The following SEMA6A variants were observed in gnomAD, a reference collection of about 807,000 sequenced individuals.
The protein encoded by SEMA6A is semaphorin-6A.
A neutral mutation model predicts 96.8 loss-of-function variants in SEMA6A; 25 were observed. That is an observed-to-expected ratio of 0.26 (90% confidence interval 0.19 to 0.36). The LOEUF (loss-of-function observed/expected upper bound fraction) is 0.36, where lower values mean the gene tolerates loss of function less well. SEMA6A is among the 10% of genes least tolerant of loss of function. The probability of loss-of-function intolerance (pLI) is 1.00; values close to 1 mark genes in which losing one functional copy is unlikely to be tolerated. For missense variants in SEMA6A, 1,363 were observed against 1,323.1 expected, an observed-to-expected ratio of 1.03 and a Z score of -0.47; for synonymous variants, 612 against 518.0, an observed-to-expected ratio of 1.18 and a Z score of -2.46.
chr5:116,482,616 G>T (rs1272298250), intron 10 of SEMA6A, 41 bp from the exon 11 acceptor site: 5 of 1,604,142 alleles, frequency 3.1e-6, no homozygotes, highest in South Asian at 2.2e-5. Flanking sequence ...CTCATGCAAT[G>T]GTTATGCATG....
intron 1 of SEMA6A, among the ~76,000 whole-genome samples, chr5:116,542,355 T>G (rs376593838): frequency 3.9e-5 from 6 of 152,288 alleles, no homozygotes; most frequent in East Asian, 1.9e-4. Flanking sequence ...TTACCGTTTT[T>G]CTTCTTCATT....
intron 6 of SEMA6A, among the ~76,000 whole-genome samples, chr5:116,494,029 C>G (rs1476384407): frequency 6.6e-6 from 1 of 152,150 alleles, no homozygotes; most frequent in Non-Finnish European, 1.5e-5. Context: ...ATCTACTCGC[C>G]AAGAGATGGC....
rs1755860981 is a variant in SEMA6A, at chr5:116,467,823, T to C, written c.1730-76A>G. ...TTCCCTTTGCGCAGAGGCCTGGAGG[T>C]GGGACACCCAAGCTGGCTGTAAGAC... is the stretch of plus-strand genomic sequence containing the variant. On this transcript the variant is annotated intron_variant, in intron 17 of 18. Coordinates refer to ENST00000343348, the MANE Select transcript of SEMA6A (RefSeq NM_020796.5). 6 of 1,495,054 alleles carry C rather than the reference T, an allele frequency of 4.0e-6. No homozygotes were observed. The South Asian group carries it at 4.9e-5, about 12-fold the overall frequency. 92.6% of individuals were successfully genotyped at this position (1,495,054 alleles called of 1,614,324 possible). A position where few individuals can be genotyped will look rare whatever the true frequency, so the allele number is the denominator to read the frequency against.
At chr5:116,566,404 G>T (rs934500572) in intron 1 of SEMA6A, among the ~76,000 whole-genome samples, 1 of 152,206 alleles carries the variant, frequency 6.6e-6, no homozygotes. Context: ...GCATGAGGAA[G>T]TATCTATTAC....
intron 18 of SEMA6A, among the ~76,000 whole-genome samples, chr5:116,462,949 T>A (rs1755507313): frequency 6.6e-6 from 1 of 152,174 alleles, no homozygotes; most frequent in African/African-American, 2.4e-5. Flanking sequence ...TTAAATTACC[T>A]TTAAAATGTA....
At position 116,524,972 on chromosome 5, in the gene SEMA6A, G is replaced by T. The variant is rs182376747; in HGVS notation, c.-38-19990C>A. On this transcript the variant is annotated intron_variant, in intron 1 of 18. Coordinates refer to ENST00000343348, the MANE Select transcript of SEMA6A (RefSeq NM_020796.5). Reference sequence around the variant, plus strand: ...CTGAACTCTTCATTTTTCTTATCTTGTTTTTGCCATTAGTTTGATATTTAT... The same window carrying T: ...CTGAACTCTTCATTTTTCTTATCTTTTTTTTGCCATTAGTTTGATATTTAT... 1.6e-4 allele frequency among the ~76,000 whole-genome samples: 25 copies of T among 152,188 alleles called. 1 individual carries two copies. Among genetic ancestry groups the T allele is most frequent in the African/African-American group, 6.0e-4 (25 of 41,532 alleles).
At chr5:116,509,011 C>T (rs10066347) in intron 1 of SEMA6A, among the ~76,000 whole-genome samples, 2,654 of 152,148 alleles carry the variant, frequency 0.017, 39 homozygotes, top group Non-Finnish European at 0.029. Context: ...TTAATGAACA[C>T]TGCTTGTTTT....
At chr5:116,463,377 A>C (rs1005338450) in intron 18 of SEMA6A, among the ~76,000 whole-genome samples, 1 of 152,218 alleles carries the variant, frequency 6.6e-6, no homozygotes, top group Non-Finnish European at 1.5e-5. Flanking sequence ...TTAAAGATTA[A>C]ATAATTAACT....
In SEMA6A at chr5:116,457,901, T is replaced by C. The variant is rs560255195; in HGVS notation, c.1894+9682A>G. On this transcript the variant is annotated intron_variant, in intron 18 of 18. Coordinates refer to ENST00000343348, the MANE Select transcript of SEMA6A (RefSeq NM_020796.5). ...AAATGAACACACCTTTTTCATCCTC[T>C]GTCTTTCCAGGATAATGGCATGCGT... 6.6e-5 allele frequency among the ~76,000 whole-genome samples: 10 copies of C among 152,266 alleles called. No homozygotes were observed. In the East Asian group the frequency reaches 1.7e-3, roughly 26 times the overall value.
At chr5:116,571,997 C>A (rs1331985190) in intron 1 of SEMA6A, among the ~76,000 whole-genome samples, 1 of 152,012 alleles carries the variant, frequency 6.6e-6, no homozygotes, top group Non-Finnish European at 1.5e-5. Flanking sequence ...TGTAGCATAC[C>A]ACAGACTTGA....
intron 3 of SEMA6A, among the ~76,000 whole-genome samples, chr5:116,499,913 C>T (rs989522841): frequency 3.9e-5 from 6 of 152,274 alleles, no homozygotes; most frequent in African/African-American, 1.4e-4. Flanking sequence ...GCTAAATCAT[C>T]GAGTACAAGG....
chr5:116,448,883 G>T (rs1580436016), intron 18 of SEMA6A, among the ~76,000 whole-genome samples: 1 of 152,102 alleles, frequency 6.6e-6, no homozygotes, highest in East Asian at 1.9e-4. Context: ...CCTGTAGTGG[G>T]TTTGAGAAGT....
intron 16 of SEMA6A, 89 bp from the exon 17 acceptor site, chr5:116,473,182 CTA>C: frequency 7.6e-7 from 1 of 1,314,088 alleles, no homozygotes; most frequent in Non-Finnish European, 1.1e-6. Context: ...TAACACAGAA[CTA>C]TGCCAGCGTA....
chr5:116,534,733 T>A (rs1324109910), intron 1 of SEMA6A, among the ~76,000 whole-genome samples: 1 of 152,244 alleles, frequency 6.6e-6, no homozygotes, highest in Non-Finnish European at 1.5e-5. Flanking sequence ...TTGTCCCCGC[T>A]AGGCTATGAG....
At chr5:116,487,987 G>A in intron 9 of SEMA6A, 121 bp downstream of exon 9, 1 of 604,352 alleles carries the variant, frequency 1.7e-6, no homozygotes, top group African/African-American at 1.9e-5. Context: ...AGGGCCTCCA[G>A]ACCGCACTCT....
chr5:116,521,175 A>T (rs1758931383), intron 1 of SEMA6A, among the ~76,000 whole-genome samples: 1 of 152,130 alleles, frequency 6.6e-6, no homozygotes, highest in Non-Finnish European at 1.5e-5. Flanking sequence ...ATACAGCTCT[A>T]CCTCTTTTTC....
At chr5:116,501,568 T>C (rs1196759499) in intron 3 of SEMA6A, among the ~76,000 whole-genome samples, 3 of 152,228 alleles carry the variant, frequency 2.0e-5, no homozygotes, top group African/African-American at 7.2e-5. Context: ...ATATAATACA[T>C]GTTTACACAT....
At chr5:116,467,432 A>C in intron 18 of SEMA6A, 151 bp downstream of exon 18, 1 of 678,272 alleles carries the variant, frequency 1.5e-6, no homozygotes, top group Non-Finnish European at 2.4e-6. Context: ...CACATAGAGG[A>C]TGGGGTTGCA....
chr5:116,473,577 A>G (rs1756283550), intron 16 of SEMA6A, among the ~76,000 whole-genome samples: 1 of 152,172 alleles, frequency 6.6e-6, no homozygotes, highest in Non-Finnish European at 1.5e-5. Context: ...TAAAACAAAA[A>G]ACAAACCCTT....
Sources: allele counts gnomAD v4.1 joint callset (sites outside exome capture counted in the v4.1 genomes callset), GRCh38; gene constraint gnomAD v4.1.1; transcripts MANE v1.5; gene names NCBI Gene and HGNC (gene_info 2026-07-23, HGNC 2026-07-21).